PDE1A: variants seen among roughly 807,000 people sequenced by gnomAD.
PDE1A encodes phosphodiesterase 1A, also known as dual specificity calcium/calmodulin-dependent 3',5'-cyclic nucleotide phosphodiesterase 1A.
A neutral mutation model predicts 61.7 loss-of-function variants in PDE1A; 35 were observed. The observed-to-expected ratio is 0.57, with a 90% CI of 0.43 to 0.75. The LOEUF (loss-of-function observed/expected upper bound fraction) is 0.75, where lower values mean the gene tolerates loss of function less well. Ranked by LOEUF, PDE1A falls within the 30% of genes least tolerant of loss-of-function variation. The pLI is 0.00. For missense variants in PDE1A, 597 were observed against 630.6 expected, an observed-to-expected ratio of 0.95 and a Z score of 0.57; for synonymous variants, 232 against 213.2, an observed-to-expected ratio of 1.09 and a Z score of -0.77.
At chr2:182,219,180 A>AACTT (rs1352558080) in intron 7 of PDE1A, among the ~76,000 whole-genome samples, 12 of 152,134 alleles carry the variant, frequency 7.9e-5, no homozygotes. Flanking sequence ...TTTTAAAGAA[A>AACTT]ACTTAAAATG....
chr2:182,186,315 C>T (rs1242007041), intron 12 of PDE1A, among the ~76,000 whole-genome samples, 153 bp downstream of exon 12: 2 of 152,108 alleles, frequency 1.3e-5, no homozygotes, highest in Admixed American at 6.5e-5. Flanking sequence ...TTGTCAAAGG[C>T]AGATGCAATA....
the PDE1A span, among the ~76,000 whole-genome samples, chr2:182,671,361 T>TTTTTTC: frequency 6.7e-3 from 768 of 114,186 alleles, 17 homozygotes; most frequent in East Asian, 0.018. Context: ...TTTTTTTTTT[T>TTTTTTC]GTATTTTTAG....
At chr2:182,636,170 G>A in the PDE1A span, among the ~76,000 whole-genome samples, 1 of 151,738 alleles carries the variant, frequency 6.6e-6, no homozygotes, top group African/African-American at 2.4e-5. Context: ...GTGTTAGACA[G>A]GATGGTCTCG....
intron 2 of PDE1A, among the ~76,000 whole-genome samples, chr2:182,462,388 A>G (rs1158815571): frequency 6.6e-6 from 1 of 151,734 alleles, no homozygotes; most frequent in Non-Finnish European, 1.5e-5. Context: ...ATACATATGT[A>G]TATCTTAAAA....
chr2:182,258,009 G>C (rs1465982540), intron 2 of PDE1A, among the ~76,000 whole-genome samples: 1 of 151,890 alleles, frequency 6.6e-6, no homozygotes, highest in Non-Finnish European at 1.5e-5. Context: ...CTAGTAAAAA[G>C]ACAAAAAAAT....
At chr2:182,411,260 G>T (rs1437889331) in intron 1 of PDE1A, among the ~76,000 whole-genome samples, 1 of 152,076 alleles carries the variant, frequency 6.6e-6, no homozygotes, top group Admixed American at 6.6e-5. Flanking sequence ...CTAAAAAAAT[G>T]GAATCACACA....
intron 2 of PDE1A, among the ~76,000 whole-genome samples, chr2:182,495,702 C>T (rs762908658): frequency 8.5e-5 from 13 of 152,154 alleles, no homozygotes; most frequent in Admixed American, 2.0e-4. Flanking sequence ...CAGCCACCCC[C>T]GCTCCTTCAA....
chr2:182,699,045 C>T, the PDE1A span, among the ~76,000 whole-genome samples: 12 of 152,180 alleles, frequency 7.9e-5, no homozygotes, highest in Non-Finnish European at 1.5e-4. Context: ...AAAGACTTCA[C>T]GTCTATCCCT....
intron 13 of PDE1A, among the ~76,000 whole-genome samples, chr2:182,150,307 G>A (rs1333487882): frequency 6.6e-6 from 1 of 152,066 alleles, no homozygotes; most frequent in Non-Finnish European, 1.5e-5. Context: ...CATTTTTCAG[G>A]CAAGAAATAG....
At chr2:182,254,662 T>C (rs1345597135) in intron 2 of PDE1A, among the ~76,000 whole-genome samples, 1 of 152,160 alleles carries the variant, frequency 6.6e-6, no homozygotes, top group East Asian at 1.9e-4. Flanking sequence ...AAAAAAACAA[T>C]GATTAGAGAC....
chr2:182,474,648 T>C (rs1424968786), intron 2 of PDE1A, among the ~76,000 whole-genome samples: 1 of 151,938 alleles, frequency 6.6e-6, no homozygotes, highest in Non-Finnish European at 1.5e-5. Flanking sequence ...TGATGATATA[T>C]ACAAGTTCTA....
chr2:182,516,702 G>GGAAGGAAGGAAGGAAGGA (rs1690179893), intron 2 of PDE1A, among the ~76,000 whole-genome samples: 1 of 116,764 alleles, frequency 8.6e-6, no homozygotes, highest in South Asian at 3.2e-4. Flanking sequence ...GGGAGGAAGG[G>GGAAGGAAGGAAGGAAGGA]AGGAAGGAAG....
intron 1 of PDE1A, among the ~76,000 whole-genome samples, chr2:182,286,286 C>CT (rs1694158391): frequency 6.6e-6 from 1 of 152,112 alleles, no homozygotes; most frequent in Non-Finnish European, 1.5e-5. Flanking sequence ...AAACGAGCAA[C>CT]TTAGGGGTCC....
At chr2:182,530,231 T>G in the PDE1A span, among the ~76,000 whole-genome samples, 82 of 151,900 alleles carry the variant, frequency 5.4e-4, 1 homozygote, top group South Asian at 0.016. Context: ...ACAGTATCCT[T>G]ATGAGAAACA....
At chr2:182,203,054 G>A (rs1332079449) in intron 8 of PDE1A, among the ~76,000 whole-genome samples, 7 of 152,130 alleles carry the variant, frequency 4.6e-5, no homozygotes, top group Admixed American at 3.9e-4. Context: ...GGTGGCTCAC[G>A]CCTGTAATCC....
At chr2:182,194,327 G>A (rs1378536830) in intron 10 of PDE1A, among the ~76,000 whole-genome samples, 1 of 152,082 alleles carries the variant, frequency 6.6e-6, no homozygotes, top group Non-Finnish European at 1.5e-5. Flanking sequence ...GTGTTCAAGA[G>A]GAGAATAAAA....
chr2:182,364,940 G>A (rs757106111), intron 1 of PDE1A, among the ~76,000 whole-genome samples: 31 of 151,980 alleles, frequency 2.0e-4, no homozygotes, highest in Non-Finnish European at 2.9e-4. Context: ...TAATACATCT[G>A]CTGCTCTAAC....
At chr2:182,670,217 T>G in the PDE1A span, among the ~76,000 whole-genome samples, 38 of 151,934 alleles carry the variant, frequency 2.5e-4, no homozygotes, top group Non-Finnish European at 4.6e-4. Flanking sequence ...ACTCAGGGGG[T>G]TTACCCTACA....
At chr2:182,539,993 A>G in the PDE1A span, among the ~76,000 whole-genome samples, 1 of 152,362 alleles carries the variant, frequency 6.6e-6, no homozygotes, top group East Asian at 1.9e-4. Context: ...CAAAATGCAA[A>G]TAACTCTTGG....
Sources: gnomAD v4.1 joint callset for allele counts (sites outside exome capture counted in the v4.1 genomes callset) on GRCh38, gnomAD v4.1.1 for gene constraint, MANE v1.5 for transcripts, NCBI Gene and HGNC (gene_info 2026-07-23, HGNC 2026-07-21) for gene names.